The following AIF1L variants were observed in gnomAD, a reference collection of about 807,000 sequenced individuals.
AIF1L encodes allograft inflammatory factor 1 like, also known as allograft inflammatory factor 1-like.
In AIF1L, 12 loss-of-function variants were observed where a neutral mutation model predicts 20.7. That is an observed-to-expected ratio of 0.58 (90% CI 0.37 to 0.94). The LOEUF (loss-of-function observed/expected upper bound fraction) is 0.94. AIF1L is among the 40% of genes least tolerant of loss of function. The pLI, the probability that AIF1L is intolerant of heterozygous loss-of-function variation, is 0.01. For synonymous variants in AIF1L, 76 were observed against 65.1 expected (o/e 1.17, Z -0.81); for missense variants, 173 against 185.3 (o/e 0.93, Z 0.39).
At chr9:131,108,388 C>G (rs1033145085) in intron 2 of AIF1L, among the ~76,000 whole-genome samples, 1 of 151,918 alleles carries the variant, frequency 6.6e-6, no homozygotes, top group Non-Finnish European at 1.5e-5. Flanking sequence ...TTAGTAGAGA[C>G]AGGGTTTCAC....
At chr9:131,096,772 CT>C in intron 1 of AIF1L, 29 bp from the exon 2 acceptor site, 1 of 1,516,450 alleles carries the variant, frequency 6.6e-7, no homozygotes. Flanking sequence ...GAGGACCCCG[CT>C]TCCCAGGCCG....
intron 5 of AIF1L, among the ~76,000 whole-genome samples, chr9:131,119,628 G>T (rs923250900): frequency 6.6e-6 from 1 of 152,114 alleles, no homozygotes; most frequent in African/African-American, 2.4e-5. Context: ...AGCTTGTTGA[G>T]GCCCAAGGAG....
chr9:131,114,596 C>T lies in AIF1L; in HGVS notation c.180C>T (p.Asp60=), dbSNP rs543534091. ...TTCCAGAGAAGTACATGGAGTTTGA[C>T]CTGAACAATGAAGGCGAGATTGGTG... ...TAFKEKYMEF[D]LNNEGEIDLM... is the part of the protein sequence containing the mutation. Residue 60 remains aspartate (D), a synonymous_variant, in exon 4 of 6, where the codon GAC becomes GAT. Coordinates refer to ENST00000247291, the MANE Select transcript of AIF1L (RefSeq NM_031426.4). The T allele has an allele frequency of 5.6e-6, 9 of 1,614,092 alleles. No individual in the cohort carries two copies. In the East Asian group the frequency reaches 1.3e-4, roughly 24 times the overall value.
intron 2 of AIF1L, among the ~76,000 whole-genome samples, chr9:131,107,141 A>G (rs1248316400): frequency 6.6e-6 from 1 of 152,188 alleles, no homozygotes; most frequent in Non-Finnish European, 1.5e-5. Context: ...CATTGAGCAA[A>G]GGCTTGAAGT....
Position 131,122,252 on chromosome 9 carries a change from T to G in AIF1L, c.*1930T>G, listed in dbSNP as rs1309245163. Reference sequence around the variant, plus strand: ...TCCTTAGTCACCTCTGATAGCAGATTGAGGGAGGAAAACAGGTAAGGCATG... The same window carrying G: ...TCCTTAGTCACCTCTGATAGCAGATGGAGGGAGGAAAACAGGTAAGGCATG... On this transcript the variant is annotated 3_prime_UTR_variant, in exon 6 of 6. Transcript: ENST00000247291. The G allele has an allele frequency of 6.6e-6, 1 of 152,468 alleles. No individual in the cohort carries two copies. Among genetic ancestry groups the G allele is most frequent in the Non-Finnish European group, 1.5e-5 (1 of 68,016 alleles). The allele number at this position is 152,468 out of a possible 1,614,324, so 9.4% of individuals were successfully genotyped here.
chr9:131,105,231 G>A (rs1830720385), intron 2 of AIF1L, among the ~76,000 whole-genome samples: 1 of 152,184 alleles, frequency 6.6e-6, no homozygotes, highest in South Asian at 2.1e-4. Context: ...TGCCCGCCGG[G>A]CTCCCCCATC....
At position 131,105,420 on chromosome 9, in the gene AIF1L, A is replaced by G. The variant is rs565141877; in HGVS notation, c.94-6177A>G. The stretch of plus-strand genomic sequence containing the variant: ...CACTGTGTGGCCCAGGCTGGAGTGC[A>G]GTGGCGCGATCTCAGCTCACTGCAA... On this transcript the variant is annotated intron_variant, in intron 2 of 5. Coordinates refer to ENST00000247291, the MANE Select transcript of AIF1L (RefSeq NM_031426.4). 7.2e-5 allele frequency among the ~76,000 whole-genome samples: 11 copies of G among 152,324 alleles called. No individual in the cohort carries two copies. The East Asian group carries it at 1.9e-3, about 27-fold the overall frequency.
intron 2 of AIF1L, among the ~76,000 whole-genome samples, chr9:131,099,927 G>A (rs182069199): frequency 4.6e-5 from 7 of 152,016 alleles, no homozygotes; most frequent in East Asian, 1.9e-4. Flanking sequence ...GGGTTTCACC[G>A]TGTTGGTCAG....
intron 4 of AIF1L, among the ~76,000 whole-genome samples, chr9:131,115,094 A>G (rs1171767884): frequency 6.6e-6 from 1 of 152,172 alleles, no homozygotes; most frequent in Non-Finnish European, 1.5e-5. Context: ...CCTCACCCGC[A>G]AAGAAGTGGT....
At chr9:131,106,310 C>T (rs1445854581) in intron 2 of AIF1L, 4 of 1,332,334 alleles carry the variant, frequency 3.0e-6, no homozygotes, top group Non-Finnish European at 4.2e-6. Flanking sequence ...TCATCCTGCA[C>T]ATGTTTATTG....
chr9:131,120,217 T>C lies in AIF1L; in HGVS notation c.366-18T>C. 6.2e-7 allele frequency: 1 copy of C among 1,607,666 alleles called. No individual in the cohort carries two copies. Among genetic ancestry groups the C allele is most frequent in the Non-Finnish European group, 8.5e-7 (1 of 1,177,634 alleles). On this transcript the variant is annotated intron_variant, in intron 5 of 5. Coordinates refer to ENST00000247291, the MANE Select transcript of AIF1L (RefSeq NM_031426.4). The stretch of plus-strand genomic sequence containing the variant: ...CTTGTTTTTCTTTCTTTTTTTCTTT[T>C]CTCCATCTCCAAACCAGAGTCATGA...
chr9:131,097,011 C>T (rs369793792), intron 2 of AIF1L, 148 bp downstream of exon 2: 3 of 921,008 alleles, frequency 3.3e-6, no homozygotes, highest in Non-Finnish European at 4.5e-6. Flanking sequence ...CCTCCGCCCC[C>T]AGCCCCGTCG....
In AIF1L at chr9:131,097,679, C is replaced by T. The variant is rs551481302; in HGVS notation, c.93+816C>T. ...GATATCAGGACCTGTCTGGGTTGGC[C>T]AAAGCTCAAAGGCAGCACAGCCAGT... On this transcript the variant is annotated intron_variant, in intron 2 of 5. Coordinates refer to ENST00000247291, the MANE Select transcript of AIF1L (RefSeq NM_031426.4). 3.9e-5 allele frequency among the ~76,000 whole-genome samples: 6 copies of T among 152,314 alleles called. No individual in the cohort carries two copies. In the South Asian group the frequency reaches 1.2e-3, roughly 32 times the overall value.
chr9:131,104,889 C>T (rs1830711368), intron 2 of AIF1L, among the ~76,000 whole-genome samples: 2 of 142,148 alleles, frequency 1.4e-5, no homozygotes, highest in South Asian at 4.4e-4. Flanking sequence ...CAGAGCGAGA[C>T]TCTGTCTCAA....
At chr9:131,103,018 C>T (rs376693756) in intron 2 of AIF1L, 12 of 456,000 alleles carry the variant, frequency 2.6e-5, no homozygotes, top group Middle Eastern at 3.2e-4. Context: ...GTTAAGTCAG[C>T]GAGGAGCAGG....
chr9:131,102,191 G>T (rs1466854347), intron 2 of AIF1L, among the ~76,000 whole-genome samples: 1 of 152,152 alleles, frequency 6.6e-6, no homozygotes, highest in Non-Finnish European at 1.5e-5. Context: ...GGGATTGCAG[G>T]TATGAGCCAC....
intron 2 of AIF1L, among the ~76,000 whole-genome samples, chr9:131,109,056 A>G (rs1167756641): frequency 2.6e-5 from 4 of 152,208 alleles, no homozygotes; most frequent in Non-Finnish European, 4.4e-5. Context: ...AATGTGGGTG[A>G]CATTGCACAT....
rs1333284912 is a variant in AIF1L at position 131,122,996 on chromosome 9, G to A, written c.*2674G>A. 1 of 152,318 alleles carries A rather than the reference G, an allele frequency of 6.6e-6. No individual in the cohort carries two copies. Among genetic ancestry groups the A allele is most frequent in the Non-Finnish European group, 1.5e-5 (1 of 68,078 alleles). The allele number at this position is 152,318 out of a possible 1,614,324, so 9.4% of individuals were successfully genotyped here. ...AAATCTAATGTAACCAGTAACGTGA[G>A]GACTGCCAAGTATGGCTTTGTCCCT... On this transcript the variant is annotated 3_prime_UTR_variant, in exon 6 of 6. Coordinates refer to ENST00000247291, the MANE Select transcript of AIF1L (RefSeq NM_031426.4).
At chr9:131,104,966 CT>C (rs5900922) in intron 2 of AIF1L, among the ~76,000 whole-genome samples, 6 of 148,786 alleles carry the variant, frequency 4.0e-5, no homozygotes, top group Admixed American at 1.3e-4. Flanking sequence ...TCCAGTCTGC[CT>C]TTTTTTTTTC....
Sources: gnomAD v4.1 joint callset for allele counts (sites outside exome capture counted in the v4.1 genomes callset) on GRCh38, gnomAD v4.1.1 for gene constraint, MANE v1.5 for transcripts, NCBI Gene and HGNC (gene_info 2026-07-23, HGNC 2026-07-21) for gene names.